Variants in ME3 observed in about 807,000 individuals in gnomAD.
ME3 encodes malic enzyme 3.
A neutral mutation model predicts 68.9 loss-of-function variants in ME3; 48 were observed. The ratio of observed to expected loss-of-function variants is 0.70; its 90% CI spans 0.55 to 0.89. ME3 has a LOEUF of 0.89. Ranked by LOEUF, ME3 falls within the 40% of genes least tolerant of loss-of-function variation. The pLI is 0.00. For synonymous variants in ME3, 320 were observed against 318.8 expected (o/e 1.00, Z -0.04); for missense variants, 675 against 797.4 (o/e 0.85, Z 1.85).
chr11:86,655,610 A>G (rs1945809970), intron 2 of ME3, among the ~76,000 whole-genome samples: 1 of 152,078 alleles, frequency 6.6e-6, no homozygotes, highest in South Asian at 2.1e-4. Flanking sequence ...AGATGGATTA[A>G]AGACTTAAAC....
chr11:86,671,736 G>A (rs1169178125), intron 2 of ME3, 26 bp downstream of exon 2: 1 of 1,594,190 alleles, frequency 6.3e-7, no homozygotes, highest in African/African-American at 1.4e-5. Context: ...TCGCAACGCG[G>A]GCCGTCCTGC....
At chr11:86,652,812 G>T (rs993069670) in intron 2 of ME3, among the ~76,000 whole-genome samples, 17 of 151,898 alleles carry the variant, frequency 1.1e-4, no homozygotes, top group Non-Finnish European at 2.2e-4. Flanking sequence ...ATTGCATAAA[G>T]AGTCAAGACC....
intron 8 of ME3, among the ~76,000 whole-genome samples, chr11:86,461,042 C>T (rs951393087): frequency 6.6e-6 from 1 of 152,240 alleles, no homozygotes. Context: ...AGGATGACAG[C>T]AGCAGGATGC....
intron 4 of ME3, among the ~76,000 whole-genome samples, chr11:86,509,587 A>G (rs1953362526): frequency 6.6e-6 from 1 of 152,230 alleles, no homozygotes; most frequent in African/African-American, 2.4e-5. Context: ...ACAGGAGGCC[A>G]AAGTCTTAAT....
chr11:86,495,237 C>T (rs1565858892), intron 6 of ME3, among the ~76,000 whole-genome samples: 1 of 152,190 alleles, frequency 6.6e-6, no homozygotes, highest in Admixed American at 6.5e-5. Flanking sequence ...ATGATAGATG[C>T]TCCACTCACA....
chr11:86,579,727 G>C (rs1019234489), intron 2 of ME3, among the ~76,000 whole-genome samples: 1 of 152,124 alleles, frequency 6.6e-6, no homozygotes, highest in Non-Finnish European at 1.5e-5. Context: ...AATAATTACA[G>C]TTTGGGTACC....
At chr11:86,523,508 C>T (rs188212764) in intron 4 of ME3, among the ~76,000 whole-genome samples, 32,489 of 151,822 alleles carry the variant, frequency 0.21, 4,264 homozygotes, top group Non-Finnish European at 0.3. Context: ...ATTGTTTGTA[C>T]TCTTTTTTTT....
chr11:86,667,858 G>A (rs1367323340), intron 2 of ME3: 1 of 152,102 alleles, frequency 6.6e-6, no homozygotes, highest in Admixed American at 6.5e-5. Context: ...CTGTGAAGTG[G>A]GGCTGATAGT....
At chr11:86,531,326 C>T (rs77601310) in intron 4 of ME3, among the ~76,000 whole-genome samples, 4 of 151,476 alleles carry the variant, frequency 2.6e-5, no homozygotes, top group Admixed American at 1.3e-4. Context: ...TTAGAATGGC[C>T]ATCATTAAAA....
chr11:86,446,125 G>T (rs1050574332), intron 13 of ME3, among the ~76,000 whole-genome samples, 189 bp downstream of exon 13: 4 of 152,116 alleles, frequency 2.6e-5, no homozygotes, highest in Non-Finnish European at 5.9e-5. Flanking sequence ...CCCCTCAAAA[G>T]CCCCATGTGT....
intron 2 of ME3, among the ~76,000 whole-genome samples, chr11:86,639,705 C>T (rs529485852): frequency 6.6e-6 from 1 of 152,186 alleles, no homozygotes; most frequent in African/African-American, 2.4e-5. Flanking sequence ...TTTCTACAAA[C>T]TGAGATGCTA....
At chr11:86,623,832 T>C (rs1943495791) in intron 2 of ME3, among the ~76,000 whole-genome samples, 1 of 152,178 alleles carries the variant, frequency 6.6e-6, no homozygotes, top group Non-Finnish European at 1.5e-5. Context: ...AACATACTTT[T>C]CCCCTCTGGA....
At chr11:86,550,246 TA>T (rs1436514308) in intron 4 of ME3, among the ~76,000 whole-genome samples, 2 of 152,180 alleles carry the variant, frequency 1.3e-5, no homozygotes, top group South Asian at 2.1e-4. Flanking sequence ...ATGGATCACT[TA>T]AAAATCTATT....
chr11:86,541,436 C>G (rs1017293888), intron 4 of ME3, among the ~76,000 whole-genome samples: 1 of 152,180 alleles, frequency 6.6e-6, no homozygotes, highest in African/African-American at 2.4e-5. Flanking sequence ...CTGAAGTTGA[C>G]CTGGGACACT....
At chr11:86,503,050 C>T (rs548023696) in intron 5 of ME3, among the ~76,000 whole-genome samples, 2 of 152,274 alleles carry the variant, frequency 1.3e-5, no homozygotes, top group South Asian at 4.2e-4. Context: ...TCCTCCTCCT[C>T]TTCTTCTGCT....
intron 9 of ME3, 77 bp from the exon 10 acceptor site, chr11:86,450,079 G>A: frequency 8.0e-7 from 1 of 1,252,652 alleles, no homozygotes; most frequent in African/African-American, 1.5e-5. Flanking sequence ...CTTGCCATAA[G>A]GACCCCCTTT....
chr11:86,606,091 C>T (rs1253656644), intron 2 of ME3, among the ~76,000 whole-genome samples: 1 of 152,130 alleles, frequency 6.6e-6, no homozygotes, highest in Admixed American at 6.6e-5. Context: ...CTCCTCCCTC[C>T]CCAAAGCTAC....
intron 4 of ME3, among the ~76,000 whole-genome samples, chr11:86,539,639 A>C (rs529360433): frequency 1.1e-4 from 17 of 152,180 alleles, no homozygotes; most frequent in Non-Finnish European, 2.2e-4. Flanking sequence ...GCACCATGGC[A>C]GATATAGGGA....
chr11:86,617,065 T>G (rs1424707920), intron 2 of ME3, among the ~76,000 whole-genome samples: 1 of 140,516 alleles, frequency 7.1e-6, no homozygotes, highest in East Asian at 2.0e-4. Flanking sequence ...TTTTTTTTTT[T>G]TTTTTTTTTT....
Sources: gnomAD v4.1 joint callset for allele counts (sites outside exome capture counted in the v4.1 genomes callset) on GRCh38, gnomAD v4.1.1 for gene constraint, MANE v1.5 for transcripts, NCBI Gene and HGNC (gene_info 2026-07-23, HGNC 2026-07-21) for gene names.